Variants in MED13 observed in about 807,000 individuals in gnomAD.
The protein encoded by MED13 is mediator complex subunit 13, also known as mediator of RNA polymerase II transcription subunit 13.
A neutral mutation model predicts 225.2 loss-of-function variants in MED13; 23 were observed. The ratio of observed to expected loss-of-function variants is 0.10; its 90% CI spans 0.07 to 0.14. MED13 has a LOEUF of 0.14. MED13 is among the 10% of genes least tolerant of loss of function. MED13 has a pLI of 1.00. For synonymous variants in MED13, 942 were observed against 889.2 expected (o/e 1.06, Z -1.06); for missense variants, 2,197 against 2,594.5 (o/e 0.85, Z 3.33).
chr17:62,030,021 C>G lies in MED13; in HGVS notation c.1010-8G>C, dbSNP rs368222878. The G allele has an allele frequency of 1.3e-6, 2 of 1,520,806 alleles. No homozygotes were observed. The highest frequency in any genetic ancestry group is 8.8e-7 in the Non-Finnish European group (1 of 1,133,158). 94.2% of individuals were successfully genotyped at this position (1,520,806 alleles called of 1,614,324 possible). The stretch of plus-strand genomic sequence containing the variant: ...GGACAGACTGAGGATCAACTGAAAA[C>G]AAAACAAAAAAACAGGCTGTAGGAG... On this transcript the variant is annotated splice_polypyrimidine_tract_variant and splice_region_variant and intron_variant, in intron 6 of 29. Coordinates refer to ENST00000397786, the MANE Select transcript of MED13 (RefSeq NM_005121.3).
intron 26 of MED13, 27 bp from the exon 27 acceptor site, chr17:61,953,140 A>G (rs771381574): frequency 6.3e-7 from 1 of 1,599,206 alleles, no homozygotes; most frequent in South Asian, 1.1e-5. Context: ...AAAGAAATTT[A>G]AAACTCCATT....
intron 29 of MED13, 128 bp from the exon 30 acceptor site, chr17:61,946,728 G>C: frequency 8.2e-7 from 1 of 1,222,740 alleles, no homozygotes; most frequent in Non-Finnish European, 1.2e-6. Flanking sequence ...GTCCTTGAGG[G>C]GAAAGAAGCA....
intron 16 of MED13, among the ~76,000 whole-genome samples, chr17:61,977,490 C>T (rs1316449735): frequency 3.3e-5 from 5 of 152,162 alleles, no homozygotes; most frequent in Admixed American, 6.5e-5. Context: ...CTCTCTCTGT[C>T]GCCCAGGCTG....
intron 16 of MED13, among the ~76,000 whole-genome samples, chr17:61,980,340 A>G (rs1002543393): frequency 1.3e-5 from 2 of 151,898 alleles, no homozygotes; most frequent in African/African-American, 4.8e-5. Flanking sequence ...GTACTACTCT[A>G]TCTACAATTA....
At chr17:61,963,606 C>T (rs2080026785) in intron 20 of MED13, among the ~76,000 whole-genome samples, 1 of 151,990 alleles carries the variant, frequency 6.6e-6, no homozygotes, top group Non-Finnish European at 1.5e-5. Flanking sequence ...TCACCTGGTC[C>T]CATTTTTAGA....
chr17:61,965,490 G>T, intron 19 of MED13, 22 bp from the exon 20 acceptor site: 1 of 1,579,888 alleles, frequency 6.3e-7, no homozygotes, highest in South Asian at 1.1e-5. Flanking sequence ...AAACAGGTAC[G>T]AAATTTAATT....
At position 61,948,675 on chromosome 17, in the gene MED13, C is replaced by T. The variant is rs576073316; in HGVS notation, c.6292-1658G>A. ...CCCTGACCTCAGGTGATCTGCCTGC[C>T]TCAGCCTCCCAAAGTGCTGGGTTTA... On this transcript the variant is annotated intron_variant, in intron 28 of 29. Coordinates refer to ENST00000397786, the MANE Select transcript of MED13 (RefSeq NM_005121.3). 7.0e-4 allele frequency among the ~76,000 whole-genome samples: 107 copies of T among 151,980 alleles called. 1 individual carries two copies. Among genetic ancestry groups the T allele is most frequent in the African/African-American group, 2.5e-3 (103 of 41,472 alleles).
At chr17:61,998,596 C>CTTTTTT (rs58261678) in intron 9 of MED13, among the ~76,000 whole-genome samples, 2 of 115,540 alleles carry the variant, frequency 1.7e-5, no homozygotes, top group African/African-American at 3.5e-5. Context: ...TTCCCACCGC[C>CTTTTTT]TTTTTTTTTT....
chr17:62,011,169 G>C lies in MED13; in HGVS notation c.1348C>G (p.Gln450Glu). ...GTCTTGTGCTTAGGAAGTATTTGTTGTTGCTGACCTAAAGATGGTGCCTGT... is the reference window on the plus strand; with the variant it reads ...GTCTTGTGCTTAGGAAGTATTTGTTCTTGCTGACCTAAAGATGGTGCCTGT... ...QGQAPSLGQQ[Q>E]QILPKHKTNE... The change falls in exon 9 of 30, where the codon CAA becomes GAA. Residue 450 changes from glutamine (Q) to glutamate (E), a missense_variant. Gln to Glu is a conservative substitution (Grantham distance 29, BLOSUM62 2). Transcript: ENST00000397786. The C allele has an allele frequency of 6.2e-7, 1 of 1,614,138 alleles. No individual in the cohort carries two copies. Among genetic ancestry groups the C allele is most frequent in the Non-Finnish European group, 8.5e-7 (1 of 1,180,030 alleles).
chr17:61,987,087 T>C lies in MED13; in HGVS notation c.2305A>G (p.Ser769Gly). 6.2e-7 allele frequency: 1 copy of C among 1,609,028 alleles called. No homozygotes were observed. Among genetic ancestry groups the C allele is most frequent in the Non-Finnish European group, 8.5e-7 (1 of 1,177,134 alleles). The change falls in exon 12 of 30, where the codon AGT becomes GGT. Residue 769 changes from serine to glycine, a missense_variant. By Grantham distance (56) the Ser-to-Gly change is moderately conservative. Transcript: ENST00000397786. ...GCCAGGTCTGAGTCATAAATCAAAC[T>C]TGTTGATGGAGGACGGGCATGACTA... ...PTSHARPPST[S>G]LIYDSDLAVS...
chr17:62,020,397 T>G (rs1368003911), intron 8 of MED13, among the ~76,000 whole-genome samples: 1 of 152,066 alleles, frequency 6.6e-6, no homozygotes, highest in Non-Finnish European at 1.5e-5. Flanking sequence ...TTTTCTTTTT[T>G]TAGACAGTCT....
chr17:62,005,685 A>C (rs997367931), intron 9 of MED13: 1 of 152,240 alleles, frequency 6.6e-6, no homozygotes, highest in African/African-American at 2.4e-5. Flanking sequence ...GAAGCACAGG[A>C]CTTATCTGCT....
At chr17:61,962,223 T>C (rs1603392181) in intron 21 of MED13, among the ~76,000 whole-genome samples, 1 of 152,042 alleles carries the variant, frequency 6.6e-6, no homozygotes, top group Admixed American at 6.6e-5. Flanking sequence ...GAGCTGGAGG[T>C]TGCAGTGAGC....
intron 12 of MED13, among the ~76,000 whole-genome samples, chr17:61,986,232 A>AAT (rs920024078): frequency 1.8e-4 from 28 of 152,064 alleles, no homozygotes; most frequent in South Asian, 6.2e-4. Flanking sequence ...ATGTATCTGC[A>AAT]ATATATATAT....
At chr17:61,991,558 G>C (rs1344490642) in intron 11 of MED13, among the ~76,000 whole-genome samples, 2 of 151,474 alleles carry the variant, frequency 1.3e-5, no homozygotes, top group East Asian at 3.9e-4. Context: ...CGCCAGGCTG[G>C]AGTACAGTGA....
At position 61,982,949 on chromosome 17, in the gene MED13, A is replaced by T. The variant is rs1567958285; in HGVS notation, c.3054T>A (p.Pro1018=). Residue 1018 remains proline (P), a synonymous_variant, in exon 16 of 30, where the codon CCT becomes CCA. Coordinates refer to ENST00000397786, the MANE Select transcript of MED13 (RefSeq NM_005121.3). ...RFPTPRTPRT[P]RTPRGAGGPA... is the part of the protein sequence containing the mutation. Reference sequence around the variant, plus strand: ...GTCCACCAGCTCCACGAGGAGTCCGAGGAGTCCTTGGAGTCCTTGGAGTTG... The same window carrying T: ...GTCCACCAGCTCCACGAGGAGTCCGTGGAGTCCTTGGAGTCCTTGGAGTTG... 1.2e-6 allele frequency: 2 copies of T among 1,613,980 alleles called. No individual in the cohort carries two copies. Among genetic ancestry groups the T allele is most frequent in the East Asian group, 4.5e-5 (2 of 44,892 alleles).
At chr17:62,001,810 C>A (rs2080397751) in intron 9 of MED13, among the ~76,000 whole-genome samples, 1 of 152,126 alleles carries the variant, frequency 6.6e-6, no homozygotes, top group Non-Finnish European at 1.5e-5. Context: ...TTATTTTATA[C>A]ACTAACAGTG....
At chr17:61,976,334 T>C (rs563701531) in intron 16 of MED13, among the ~76,000 whole-genome samples, 1 of 152,224 alleles carries the variant, frequency 6.6e-6, no homozygotes, top group South Asian at 2.1e-4. Flanking sequence ...TCGATTGATA[T>C]GCAATATCCA....
chr17:62,060,739 G>A (rs970609025), intron 2 of MED13, among the ~76,000 whole-genome samples: 1 of 149,280 alleles, frequency 6.7e-6, no homozygotes, highest in East Asian at 2.0e-4. Flanking sequence ...TCACTCTGTC[G>A]CCCAGGCTGG....
Sources: allele counts gnomAD v4.1 joint callset (sites outside exome capture counted in the v4.1 genomes callset), GRCh38; gene constraint gnomAD v4.1.1; transcripts MANE v1.5; gene names NCBI Gene and HGNC (gene_info 2026-07-23, HGNC 2026-07-21).